YPEL2: variants seen among roughly 807,000 people sequenced by gnomAD.
YPEL2 encodes the protein yippee like 2.
A neutral mutation model predicts 19.1 loss-of-function variants in YPEL2; 2 were observed. The observed-to-expected ratio is 0.10, with a 90% CI of 0.04 to 0.33. The LOEUF is 0.33. Ranked by LOEUF, YPEL2 falls within the 10% of genes least tolerant of loss-of-function variation. The probability of loss-of-function intolerance (pLI) is 1.00; values close to 1 mark genes in which losing one functional copy is unlikely to be tolerated. For missense variants in YPEL2, 66 were observed against 140.7 expected, an observed-to-expected ratio of 0.47 and a Z score of 2.68; for synonymous variants, 52 against 50.0, an observed-to-expected ratio of 1.04 and a Z score of -0.17.
intron 2 of YPEL2, among the ~76,000 whole-genome samples, chr17:59,377,417 G>A (rs1029560255): frequency 1.3e-5 from 2 of 152,140 alleles, no homozygotes; most frequent in Non-Finnish European, 1.5e-5. Context: ...TGGCACCACC[G>A]TCAGTGTCTA....
chr17:59,369,365 A>G (rs1395207547), intron 2 of YPEL2, among the ~76,000 whole-genome samples: 7 of 152,234 alleles, frequency 4.6e-5, no homozygotes, highest in African/African-American at 1.7e-4. Context: ...GTACATCAGA[A>G]TCACCTGAGA....
intron 2 of YPEL2, among the ~76,000 whole-genome samples, chr17:59,380,066 G>A (rs1409177350): frequency 6.6e-6 from 1 of 150,766 alleles, no homozygotes; most frequent in African/African-American, 2.4e-5. Flanking sequence ...TCGTCATGTT[G>A]GCCAGGCTGG....
chr17:59,388,423 G>A (rs2047991901), intron 3 of YPEL2, 53 bp downstream of exon 3: 2 of 1,559,652 alleles, frequency 1.3e-6, no homozygotes, highest in South Asian at 1.1e-5. Context: ...CGAGGGATGG[G>A]AAAAAGCAAT....
At chr17:59,376,594 T>TA (rs1032146715) in intron 2 of YPEL2, among the ~76,000 whole-genome samples, 1 of 152,184 alleles carries the variant, frequency 6.6e-6, no homozygotes, top group African/African-American at 2.4e-5. Context: ...GAAGAATGAT[T>TA]ATACCCACCT....
chr17:59,363,791 C>T (rs981197206), intron 2 of YPEL2, among the ~76,000 whole-genome samples: 4 of 152,174 alleles, frequency 2.6e-5, no homozygotes, highest in South Asian at 2.1e-4. Flanking sequence ...TTTTTGCTAC[C>T]GCTTCGCAGT....
Position 59,353,756 on chromosome 17 carries a change from G to C in YPEL2, c.117+230G>C, listed in dbSNP as rs772289167. The C allele has an allele frequency of 2.4e-4, 118 of 491,840 alleles. 1 individual carries two copies. The highest frequency in any genetic ancestry group is 2.1e-3 in the African/African-American group (110 of 51,444). The allele number at this position is 491,840 out of a possible 1,614,324, so 30.5% of individuals were successfully genotyped here. A position where few individuals can be genotyped will look rare whatever the true frequency, so the allele number is the denominator to read the frequency against. ...AGGTGTCATCCTTGTTGGAGGCTTT[G>C]GGAGCTGGCAGCTTGCAAGCCAGAG... is the stretch of plus-strand genomic sequence containing the variant. On this transcript the variant is annotated intron_variant, in intron 2 of 4. Coordinates refer to ENST00000312655, the MANE Select transcript of YPEL2 (RefSeq NM_001005404.4). This position sits in a 1 kb window ranked among gnomAD's most constrained non-coding sequence, Gnocchi z 4.8.
chr17:59,373,304 C>G (rs1412645633), intron 2 of YPEL2, among the ~76,000 whole-genome samples: 2 of 152,168 alleles, frequency 1.3e-5, no homozygotes, highest in Non-Finnish European at 2.9e-5. Context: ...GATGCACTTC[C>G]AGCTGCTTAA....
rs910049700 is a variant in YPEL2, at chr17:59,400,769, T to A, written c.*3579T>A. 5 of 152,624 alleles carry A rather than the reference T, an allele frequency of 3.3e-5. No homozygotes were observed. The highest frequency in any genetic ancestry group is 7.3e-5 in the Non-Finnish European group (5 of 68,034). The allele number at this position is 152,624 out of a possible 1,614,324, so 9.5% of individuals were successfully genotyped here. On this transcript the variant is annotated 3_prime_UTR_variant, in exon 5 of 5. Transcript: ENST00000312655. ...GCGCGCACACGTGTGTAAAAAGCAC[T>A]TTCGATTGTGCCTCCTGTTTTCTCG...
intron 4 of YPEL2, among the ~76,000 whole-genome samples, chr17:59,393,302 A>AT (rs149834838): frequency 3.3e-3 from 448 of 135,296 alleles, no homozygotes; most frequent in African/African-American, 6.9e-3. Context: ...TGATTTTTGT[A>AT]TTTTTTTTTT....
At chr17:59,366,928 C>T (rs947539188) in intron 2 of YPEL2, among the ~76,000 whole-genome samples, 6 of 152,184 alleles carry the variant, frequency 3.9e-5, no homozygotes, top group Admixed American at 3.9e-4. Flanking sequence ...CTGTCCATCT[C>T]TTTCTCTATA....
Position 59,353,539 on chromosome 17 carries a change from A to T in YPEL2, c.117+13A>T, listed in dbSNP as rs374135552. 4 of 1,606,662 alleles carry T rather than the reference A, an allele frequency of 2.5e-6. No homozygotes were observed. The highest frequency in any genetic ancestry group is 3.4e-6 in the Non-Finnish European group (4 of 1,173,228). ...ACTAATTTCCAAGGTACACATTTCC[A>T]GCAGGCCTTCCTTGCCTACCCCGGG... On this transcript the variant is annotated intron_variant, in intron 2 of 4. Transcript: ENST00000312655. This position sits in a 1 kb window ranked among gnomAD's most constrained non-coding sequence, Gnocchi z 4.8.
chr17:59,338,728 T>G (rs2047712264), intron 1 of YPEL2, among the ~76,000 whole-genome samples: 1 of 152,048 alleles, frequency 6.6e-6, no homozygotes, highest in African/African-American at 2.4e-5. Context: ...ACAGTAAGGG[T>G]GAAGAGCACT....
intron 1 of YPEL2, among the ~76,000 whole-genome samples, chr17:59,340,829 C>T (rs1164603603): frequency 1.3e-5 from 2 of 151,730 alleles, no homozygotes; most frequent in Non-Finnish European, 2.9e-5. Flanking sequence ...ATTCCCCTGC[C>T]TCACCCTCCC....
chr17:59,393,658 C>A (rs1267780321), intron 4 of YPEL2, among the ~76,000 whole-genome samples: 1 of 146,736 alleles, frequency 6.8e-6, no homozygotes, highest in Non-Finnish European at 1.5e-5. Flanking sequence ...GAGGACCCTG[C>A]GGCCTTCCGC....
chr17:59,340,128 A>G (rs2047720555), intron 1 of YPEL2, among the ~76,000 whole-genome samples: 1 of 147,140 alleles, frequency 6.8e-6, no homozygotes, highest in South Asian at 2.1e-4. Context: ...TTTTTTTGAG[A>G]TGGAGTTTCA....
chr17:59,355,617 CTCTT>C (rs2047809021), intron 2 of YPEL2: 1 of 152,246 alleles, frequency 6.6e-6, no homozygotes, highest in Non-Finnish European at 1.5e-5. Flanking sequence ...TTCTCCTGAG[CTCTT>C]TCTTATACAT....
At chr17:59,358,486 C>T (rs1227620675) in intron 2 of YPEL2, among the ~76,000 whole-genome samples, 2 of 151,850 alleles carry the variant, frequency 1.3e-5, no homozygotes, top group African/African-American at 2.4e-5. Flanking sequence ...CATGCAGTGG[C>T]GTAGGGGCAG....
At chr17:59,390,724 G>T (rs1393827982) in intron 4 of YPEL2, among the ~76,000 whole-genome samples, 1 of 152,158 alleles carries the variant, frequency 6.6e-6, no homozygotes, top group African/African-American at 2.4e-5. Context: ...GAACGCTGGG[G>T]ACTAATTGTC....
At chr17:59,377,132 T>C (rs935330817) in intron 2 of YPEL2, among the ~76,000 whole-genome samples, 1 of 152,176 alleles carries the variant, frequency 6.6e-6, no homozygotes, top group Non-Finnish European at 1.5e-5. Context: ...ACTGACTTCA[T>C]AGACAACCTT....
Sources: allele counts gnomAD v4.1 joint callset (sites outside exome capture counted in the v4.1 genomes callset), GRCh38; gene constraint gnomAD v4.1.1; non-coding constraint Gnocchi (gnomAD v3.1); transcripts MANE v1.5; gene names NCBI Gene and HGNC (gene_info 2026-07-23, HGNC 2026-07-21).